Variants in FBRSL1 observed in about 807,000 individuals in gnomAD.
The protein encoded by FBRSL1 is fibrosin-1-like protein.
Under a neutral mutation model 89.6 loss-of-function variants are expected in FBRSL1, and 51 were observed. That is an observed-to-expected ratio of 0.57 (90% CI 0.45 to 0.72). The LOEUF is 0.72. FBRSL1 is among the 30% of genes least tolerant of loss of function. The pLI is 0.00. For synonymous variants in FBRSL1, 779 were observed against 681.1 expected, an observed-to-expected ratio of 1.14 and a Z score of -2.24; for missense variants, 1,618 against 1,451.8, an observed-to-expected ratio of 1.11 and a Z score of -1.86.
chr12:132,508,621 G>A (rs978259594), intron 2 of FBRSL1, among the ~76,000 whole-genome samples: 1 of 152,222 alleles, frequency 6.6e-6, no homozygotes, highest in African/African-American at 2.4e-5. Flanking sequence ...TTCCGGGCTG[G>A]GGCGCCAAGC....
In FBRSL1 at chr12:132,512,061, CAG is replaced by C. The variant is rs2034403091; in HGVS notation, c.489+3714_489+3715del. The C allele has an allele frequency of 5.2e-6, 5 of 958,094 alleles. No individual in the cohort carries two copies. The South Asian group carries it at 1.9e-4, about 37-fold the overall frequency. 59.3% of individuals were successfully genotyped at this position (958,094 alleles called of 1,614,324 possible). On this transcript the variant is annotated intron_variant, in intron 2 of 18. Coordinates refer to ENST00000680143, the MANE Select transcript of FBRSL1 (RefSeq NM_001367871.1). ...CGGGATTCATTGCACTCTGACCGAA[CAG>C]AGGGGAGACCTGGAGCATCTGTTCC...
At position 132,571,198 on chromosome 12, in the gene FBRSL1, C is replaced by A; in HGVS notation, c.1344C>A (p.His448Gln). The A allele has an allele frequency of 7.0e-7, 1 of 1,437,658 alleles. No individual in the cohort carries two copies. The highest frequency in any genetic ancestry group is 1.5e-5 in the South Asian group (1 of 68,892). The allele number at this position is 1,437,658 out of a possible 1,614,324, so 89.1% of individuals were successfully genotyped here. A position where few individuals can be genotyped will look rare whatever the true frequency, so the allele number is the denominator to read the frequency against. The change falls in exon 9 of 19, where the codon CAC becomes CAA. Residue 448 changes from histidine to glutamine, a missense_variant. Physicochemically the swap from His to Gln is conservative, Grantham distance 24 (BLOSUM62 0). Coordinates refer to ENST00000680143, the MANE Select transcript of FBRSL1 (RefSeq NM_001367871.1). The part of the protein sequence containing the change: ...APLGPHVASG[H>Q]PGLACRPREC... ...TGGGCCCGCACGTGGCGAGCGGCCA[C>A]CCCGGCTTGGCCTGCCGACCCCGGG...
At chr12:132,510,099 A>G (rs2034161259) in intron 2 of FBRSL1, 1 of 1,224,560 alleles carries the variant, frequency 8.2e-7, no homozygotes, top group Admixed American at 4.2e-5. Context: ...GCAGCCGCTC[A>G]TGGGCCCGGA....
chr12:132,548,111 C>G, intron 5 of FBRSL1, 79 bp downstream of exon 5: 1 of 1,494,320 alleles, frequency 6.7e-7, no homozygotes, highest in South Asian at 1.2e-5. Flanking sequence ...GAGGTGGGCC[C>G]TGGAGACCAG....
At chr12:132,582,294 C>A in intron 18 of FBRSL1, 28 bp downstream of exon 18, 1 of 1,536,248 alleles carries the variant, frequency 6.5e-7, no homozygotes, top group Non-Finnish European at 8.8e-7. Flanking sequence ...TCCGTATCCC[C>A]ACCACACACC....
intron 1 of FBRSL1, among the ~76,000 whole-genome samples, chr12:132,498,518 G>A (rs551983284): frequency 6.6e-6 from 1 of 152,340 alleles, no homozygotes; most frequent in South Asian, 2.1e-4. Context: ...AGGAGGATGG[G>A]CCATCCCCAC....
At chr12:132,532,124 C>G (rs1663784102) in intron 4 of FBRSL1, among the ~76,000 whole-genome samples, 1 of 152,254 alleles carries the variant, frequency 6.6e-6, no homozygotes, top group Admixed American at 6.5e-5. Context: ...CACCCATGCA[C>G]AGAATGTTCT....
chr12:132,514,652 C>T (rs1593300967), intron 2 of FBRSL1, among the ~76,000 whole-genome samples: 1 of 152,280 alleles, frequency 6.6e-6, no homozygotes, highest in African/African-American at 2.4e-5. Flanking sequence ...AGGGATTTGG[C>T]ACGAAGCCTC....
chr12:132,514,301 C>T (rs1014680506), intron 2 of FBRSL1, among the ~76,000 whole-genome samples: 3 of 152,176 alleles, frequency 2.0e-5, no homozygotes, highest in Non-Finnish European at 2.9e-5. Flanking sequence ...CCAGGGCCGC[C>T]CAGAAGTCCA....
In FBRSL1 at chr12:132,579,934, C is replaced by T. The variant is rs1339146229; in HGVS notation, c.1835-1505C>T. Among the ~76,000 whole-genome samples, 9 of 152,200 alleles carry T rather than the reference C, an allele frequency of 5.9e-5. No individual in the cohort carries two copies. In the East Asian group the frequency reaches 1.5e-3, roughly 26 times the overall value. ...TCGGTTTCAGTAACGCGAGTGTTTC[C>T]AGTAAGTTGATTTGGGGCAGGCTCC... On this transcript the variant is annotated intron_variant, in intron 15 of 18. Transcript: ENST00000680143.
Position 132,570,151 on chromosome 12 carries a change from C to A in FBRSL1, c.917C>A (p.Pro306His), listed in dbSNP as rs904692609. Reference sequence around the variant, plus strand: ...ACCCCGCAGCCGCCACCCCCGCAGCCCCGCGGCCTGCTCCCGACACACGTG... The same window carrying A: ...ACCCCGCAGCCGCCACCCCCGCAGCACCGCGGCCTGCTCCCGACACACGTG... ...RHTPQPPPPQ[P>H]RGLLPTHVPA... The change falls in exon 7 of 19, where the codon CCC (proline) becomes CAC (histidine). Residue 306 changes from proline (P) to histidine (H), a missense_variant. Transcript: ENST00000680143. 6.7e-7 allele frequency: 1 copy of A among 1,491,386 alleles called. No homozygotes were observed. The highest frequency in any genetic ancestry group is 8.9e-7 in the Non-Finnish European group (1 of 1,129,636). The allele number at this position is 1,491,386 out of a possible 1,614,324, so 92.4% of individuals were successfully genotyped here.
chr12:132,549,283 C>A (rs1209165469), intron 5 of FBRSL1, among the ~76,000 whole-genome samples: 3 of 152,142 alleles, frequency 2.0e-5, no homozygotes, highest in Non-Finnish European at 4.4e-5. Flanking sequence ...CAACACACCT[C>A]TCCTCGCCCG....
chr12:132,555,292 G>A (rs1401932482), intron 5 of FBRSL1, among the ~76,000 whole-genome samples: 1 of 151,876 alleles, frequency 6.6e-6, no homozygotes, highest in African/African-American at 2.4e-5. Context: ...CTGGCAGGCA[G>A]CATGGGGCCC....
In FBRSL1 at chr12:132,583,532, G is replaced by A. The variant is rs1245405226; in HGVS notation, c.2763G>A (p.Leu921=). 1 of 1,046,560 alleles carries A rather than the reference G, an allele frequency of 9.6e-7. No individual in the cohort carries two copies. The highest frequency in any genetic ancestry group is 2.9e-5 in the South Asian group (1 of 34,464). 64.8% of individuals were successfully genotyped at this position (1,046,560 alleles called of 1,614,324 possible). A position where few individuals can be genotyped will look rare whatever the true frequency, so the allele number is the denominator to read the frequency against. ...CCGCCCCCGCCTTGGACGGCGCGCT[G>A]CTGCCCTCGCTGGGAGCCCTGCACT... ...PPAAPALDGA[L]LPSLGALHFP... Residue 921 remains leucine (L), a synonymous_variant, in exon 19 of 19, where the codon CTG becomes CTA. Transcript: ENST00000680143.
At chr12:132,555,393 C>T (rs558102636) in intron 5 of FBRSL1, among the ~76,000 whole-genome samples, 2 of 147,648 alleles carry the variant, frequency 1.4e-5, no homozygotes, top group South Asian at 4.3e-4. Flanking sequence ...AGCGTGGCCT[C>T]CACGGTAGCC....
At chr12:132,495,999 A>G (rs906235790) in intron 1 of FBRSL1, among the ~76,000 whole-genome samples, 2 of 152,126 alleles carry the variant, frequency 1.3e-5, no homozygotes, top group South Asian at 2.1e-4. Flanking sequence ...CCTCTTCCCC[A>G]TCCCCTCCCT....
At chr12:132,556,753 C>T in intron 5 of FBRSL1, among the ~76,000 whole-genome samples, 3 of 32,234 alleles carry the variant, frequency 9.3e-5, no homozygotes, top group African/African-American at 5.3e-4. Flanking sequence ...TCGTGCTGCA[C>T]CCCAACCCCT....
At position 132,520,253 on chromosome 12, in the gene FBRSL1, C is replaced by T. The variant is rs190668172; in HGVS notation, c.490-5481C>T. 8.4e-3 allele frequency among the ~76,000 whole-genome samples: 1,271 copies of T among 152,032 alleles called. 9 individuals are homozygous for T. Among genetic ancestry groups the T allele is most frequent in the Non-Finnish European group, 9.8e-3 (669 of 67,964 alleles). ...ACCCTCCAGCAACCCTCCTTGCACACCTCTAGCACACCCTCCTTGCACACC... is the reference window on the plus strand; with the variant it reads ...ACCCTCCAGCAACCCTCCTTGCACATCTCTAGCACACCCTCCTTGCACACC... On this transcript the variant is annotated intron_variant, in intron 2 of 18. Transcript: ENST00000680143.
rs749751607 is a variant in FBRSL1, at chr12:132,581,519, G to A, written c.1912+3G>A. 4 of 1,550,894 alleles carry A rather than the reference G, an allele frequency of 2.6e-6. No homozygotes were observed. The highest frequency in any genetic ancestry group is 3.5e-6 in the Non-Finnish European group (4 of 1,146,858). On this transcript the variant is annotated splice_donor_region_variant and intron_variant, in intron 16 of 18. Transcript: ENST00000680143. ...CCTGCCCACTGGCCCCCTGACAGGT[G>A]GGTGTCTCTGAATTCAGCCCACGCA...
Sources: allele counts gnomAD v4.1 joint callset (sites outside exome capture counted in the v4.1 genomes callset), GRCh38; gene constraint gnomAD v4.1.1; transcripts MANE v1.5; gene names NCBI Gene and HGNC (gene_info 2026-07-23, HGNC 2026-07-21).